Variants in CNTNAP2 observed in about 807,000 individuals in gnomAD.
CNTNAP2 encodes contactin-associated protein-like 2.
A neutral mutation model predicts 155.2 loss-of-function variants in CNTNAP2; 98 were observed. The observed-to-expected ratio is 0.63, with a 90% CI of 0.54 to 0.75. The LOEUF (loss-of-function observed/expected upper bound fraction) is 0.75, where lower values mean the gene tolerates loss of function less well. Ranked by LOEUF, CNTNAP2 falls within the 30% of genes least tolerant of loss-of-function variation. CNTNAP2 has a pLI of 0.00. For synonymous variants in CNTNAP2, 651 were observed against 631.2 expected, an observed-to-expected ratio of 1.03 and a Z score of -0.47; for missense variants, 1,727 against 1,688.1, an observed-to-expected ratio of 1.02 and a Z score of -0.40.
At chr7:148,095,980 G>T (rs1255616993) in intron 15 of CNTNAP2, among the ~76,000 whole-genome samples, 1 of 152,174 alleles carries the variant, frequency 6.6e-6, no homozygotes, top group African/African-American at 2.4e-5. Flanking sequence ...AATATTAAAA[G>T]AAAGAGTCAT....
intron 1 of CNTNAP2, among the ~76,000 whole-genome samples, chr7:146,546,544 C>A (rs1212361695): frequency 2.0e-5 from 3 of 151,810 alleles, no homozygotes; most frequent in Non-Finnish European, 4.4e-5. Flanking sequence ...CCCTTCTATT[C>A]TTTCTACTTG....
At chr7:147,434,261 G>A (rs1043093040) in intron 10 of CNTNAP2, among the ~76,000 whole-genome samples, 1 of 152,094 alleles carries the variant, frequency 6.6e-6, no homozygotes, top group Admixed American at 6.5e-5. Context: ...TAATTATGTT[G>A]ATTTCTATTC....
chr7:148,311,692 G>A (rs1238623708), intron 21 of CNTNAP2, among the ~76,000 whole-genome samples: 2 of 152,268 alleles, frequency 1.3e-5, no homozygotes, highest in South Asian at 2.1e-4. Flanking sequence ...AGATTTCCAC[G>A]ATGGAAAGAA....
At chr7:146,471,505 G>A (rs894165498) in intron 1 of CNTNAP2, among the ~76,000 whole-genome samples, 1 of 152,238 alleles carries the variant, frequency 6.6e-6, no homozygotes, top group African/African-American at 2.4e-5. Flanking sequence ...TGGCAAAAAT[G>A]TAATGAGTTC....
rs112634821 is a variant in CNTNAP2 at position 146,546,805 on chromosome 7, C to T, written c.98-227466C>T. Among the ~76,000 whole-genome samples the T allele has an allele frequency of 5.8e-3, 884 of 151,958 alleles. 9 individuals carry two copies. Among genetic ancestry groups the T allele is most frequent in the African/African-American group, 0.02 (847 of 41,474 alleles). Reference sequence around the variant, plus strand: ...AGTCTCTTATAAAACCATCAGACCTCGTAAGAACTCACTCACTATCACAAG... The same window carrying T: ...AGTCTCTTATAAAACCATCAGACCTTGTAAGAACTCACTCACTATCACAAG... On this transcript the variant is annotated intron_variant, in intron 1 of 23. Transcript: ENST00000361727.
chr7:148,075,591 G>A (rs1475177764), intron 15 of CNTNAP2, among the ~76,000 whole-genome samples: 59 of 152,150 alleles, frequency 3.9e-4, no homozygotes, highest in Non-Finnish European at 7.3e-5. Context: ...CTCACTTTCA[G>A]ATACAAGTGA....
intron 18 of CNTNAP2, among the ~76,000 whole-genome samples, chr7:148,203,122 G>A (rs1199703653): frequency 6.6e-6 from 1 of 152,010 alleles, no homozygotes; most frequent in Non-Finnish European, 1.5e-5. Flanking sequence ...AACCACTATT[G>A]AAAAATTATA....
intron 14 of CNTNAP2, among the ~76,000 whole-genome samples, chr7:147,913,312 C>T (rs1282521338): frequency 6.6e-6 from 1 of 152,078 alleles, no homozygotes; most frequent in African/African-American, 2.4e-5. Flanking sequence ...AATTCCTGCC[C>T]CCAAATTCAG....
At chr7:147,141,899 C>A (rs549496004) in intron 8 of CNTNAP2, among the ~76,000 whole-genome samples, 1 of 152,194 alleles carries the variant, frequency 6.6e-6, no homozygotes, top group South Asian at 2.1e-4. Context: ...GAAGATAATT[C>A]AATAGTTTCC....
intron 11 of CNTNAP2, among the ~76,000 whole-genome samples, chr7:147,504,688 T>TAA (rs112808877): frequency 9.6e-6 from 1 of 104,704 alleles, no homozygotes; most frequent in Non-Finnish European, 2.3e-5. Flanking sequence ...GATTCTGTCT[T>TAA]AAAAAAAAAA....
intron 13 of CNTNAP2, among the ~76,000 whole-genome samples, chr7:147,643,948 A>C (rs1287837282): frequency 3.3e-5 from 5 of 152,182 alleles, no homozygotes; most frequent in Non-Finnish European, 7.3e-5. Flanking sequence ...CATGCCTTGT[A>C]ATGTGCTCTC....
intron 6 of CNTNAP2, among the ~76,000 whole-genome samples, chr7:147,128,355 A>G (rs1372308209): frequency 6.6e-6 from 1 of 152,202 alleles, no homozygotes; most frequent in East Asian, 1.9e-4. Flanking sequence ...TAAACATAAA[A>G]ATATATTTCT....
chr7:147,416,873 G>A (rs2620438), intron 10 of CNTNAP2, among the ~76,000 whole-genome samples: 18,749 of 151,994 alleles, frequency 0.12, 1,412 homozygotes, highest in East Asian at 0.32. Flanking sequence ...CAGATCACCT[G>A]AGTTCAGGAG....
At chr7:146,626,806 C>T (rs1425019475) in intron 1 of CNTNAP2, among the ~76,000 whole-genome samples, 1 of 152,084 alleles carries the variant, frequency 6.6e-6, no homozygotes, top group African/African-American at 2.4e-5. Context: ...TTGTGGTGTT[C>T]TTTATGTGTA....
At chr7:148,280,253 T>C (rs1299349871) in intron 21 of CNTNAP2, among the ~76,000 whole-genome samples, 1 of 152,000 alleles carries the variant, frequency 6.6e-6, no homozygotes, top group Admixed American at 6.6e-5. Flanking sequence ...GAAGTTGCAG[T>C]GAGCCAAGAT....
rs1472982138 is a variant in CNTNAP2, at chr7:146,947,557, G to GTGTA, written c.403-96349_403-96348insGTAT. 6.3e-3 allele frequency among the ~76,000 whole-genome samples: 322 copies of GTGTA among 50,726 alleles called. 1 individual carries two copies. Among genetic ancestry groups the GTGTA allele is most frequent in the Middle Eastern group, 0.016 (1 of 64 alleles). 33.3% of individuals were successfully genotyped at this position (50,726 alleles called of 152,430 possible). A position where few individuals can be genotyped will look rare whatever the true frequency, so the allele number is the denominator to read the frequency against. On this transcript the variant is annotated intron_variant, in intron 3 of 23. Transcript: ENST00000361727. ...TGTGTGTGTGTATGTGTGTGTGTGT[G>GTGTA]TATATATATATATATATACATATAT... is the stretch of plus-strand genomic sequence containing the variant.
At chr7:147,518,979 C>T (rs1356262047) in intron 11 of CNTNAP2, among the ~76,000 whole-genome samples, 1 of 144,156 alleles carries the variant, frequency 6.9e-6, no homozygotes, top group East Asian at 2.0e-4. Flanking sequence ...TGCAGTGAGC[C>T]GAGATAGCGC....
At chr7:148,109,454 G>A (rs771674281) in intron 15 of CNTNAP2, among the ~76,000 whole-genome samples, 1 of 151,996 alleles carries the variant, frequency 6.6e-6, no homozygotes, top group African/African-American at 2.4e-5. Context: ...GTGCGATCTC[G>A]GCTCACCGCA....
In CNTNAP2 at chr7:147,527,011, A is replaced by ATTTCT. The variant is rs1377534436; in HGVS notation, c.1778-35123_1778-35119dup. On this transcript the variant is annotated intron_variant, in intron 11 of 23. Coordinates refer to ENST00000361727, the MANE Select transcript of CNTNAP2 (RefSeq NM_014141.6). ...TTTCCATGAATTATGGAAGACAGGC[A>ATTTCT]TTTCTTTTTTTTTTTTTTTTTTTTT... 7.7e-3 allele frequency among the ~76,000 whole-genome samples: 626 copies of ATTTCT among 81,588 alleles called. 35 individuals carry two copies. Among genetic ancestry groups the ATTTCT allele is most frequent in the African/African-American group, 0.043 (570 of 13,126 alleles). The allele number at this position is 81,588 out of a possible 152,430, so 53.5% of individuals were successfully genotyped here. A position where few individuals can be genotyped will look rare whatever the true frequency, so the allele number is the denominator to read the frequency against.
Sources: gnomAD v4.1 joint callset for allele counts (sites outside exome capture counted in the v4.1 genomes callset) on GRCh38, gnomAD v4.1.1 for gene constraint, MANE v1.5 for transcripts, NCBI Gene and HGNC (gene_info 2026-07-23, HGNC 2026-07-21) for gene names.